STX3: variants seen among roughly 807,000 people sequenced by gnomAD.
The protein encoded by STX3 is syntaxin-3.
In STX3, 19 loss-of-function variants were observed where a neutral mutation model predicts 40.2. That is an observed-to-expected ratio of 0.47 (90% confidence interval 0.33 to 0.69). The LOEUF is 0.69. Ranked by LOEUF, STX3 falls within the 30% of genes least tolerant of loss-of-function variation. STX3 has a pLI of 0.02. For missense variants in STX3, 364 were observed against 366.7 expected, an observed-to-expected ratio of 0.99 and a Z score of 0.06; for synonymous variants, 122 against 132.2, an observed-to-expected ratio of 0.92 and a Z score of 0.53.
chr11:59,763,735 C>T (rs760181516), intron 1 of STX3, among the ~76,000 whole-genome samples: 1 of 152,098 alleles, frequency 6.6e-6, no homozygotes, highest in African/African-American at 2.4e-5. Context: ...AATAAATGAT[C>T]GGCCGGGCGC....
intron 1 of STX3, among the ~76,000 whole-genome samples, chr11:59,768,337 C>T (rs1863388706): frequency 6.6e-6 from 1 of 152,174 alleles, no homozygotes. Flanking sequence ...CTATCCCTGA[C>T]TTCAGGTTGG....
At chr11:59,795,793 C>CT in intron 9 of STX3, 2 of 1,269,116 alleles carry the variant, frequency 1.6e-6, no homozygotes, top group South Asian at 2.6e-5. Context: ...TACCTGTGTT[C>CT]TTGAGCCCAT....
At chr11:59,778,643 ATGTT>A (rs1864148407) in intron 2 of STX3, among the ~76,000 whole-genome samples, 2 of 152,162 alleles carry the variant, frequency 1.3e-5, no homozygotes, top group African/African-American at 2.4e-5. Context: ...GTGATCAAAT[ATGTT>A]TGAGAAATGC....
Position 59,803,408 on chromosome 11 carries a change from G to A in STX3, c.*2584G>A. 1 of 607,026 alleles carries A rather than the reference G, an allele frequency of 1.6e-6. No individual in the cohort carries two copies. The allele number at this position is 607,026 out of a possible 1,614,324, so 37.6% of individuals were successfully genotyped here. On this transcript the variant is annotated 3_prime_UTR_variant, in exon 11 of 11. Coordinates refer to ENST00000337979, the MANE Select transcript of STX3 (RefSeq NM_004177.5). ...CTGGGTGGGATTAGGTGCTAATAAT[G>A]GTTAGAGAAAACTAAAGAAAGGGAT...
Position 59,789,442 on chromosome 11 carries a change from CTTT to C in STX3, c.289+509_289+511del, listed in dbSNP as rs113424563. 5.0e-5 allele frequency among the ~76,000 whole-genome samples: 7 copies of C among 141,308 alleles called. No homozygotes were observed. In the South Asian group the frequency reaches 1.1e-3, roughly 23 times the overall value. The allele number at this position is 141,308 out of a possible 152,430, so 92.7% of individuals were successfully genotyped here. On this transcript the variant is annotated intron_variant, in intron 4 of 10. Coordinates refer to ENST00000337979, the MANE Select transcript of STX3 (RefSeq NM_004177.5). Reference sequence around the variant, plus strand: ...GTCTTATTTCCCTGGCAACTACATACTTTTTTTTTTTTTTTTAAGACAGAATCT... The same window carrying C: ...GTCTTATTTCCCTGGCAACTACATACTTTTTTTTTTTTTAAGACAGAATCT...
chr11:59,789,026 G>T (rs1254355566), intron 4 of STX3, 79 bp downstream of exon 4: 1 of 1,303,220 alleles, frequency 7.7e-7, no homozygotes, highest in Non-Finnish European at 1.1e-6. Context: ...TTTCCGAACT[G>T]AAACTCCTCT....
rs1042498877 is a variant in STX3, at chr11:59,803,311, T to C, written c.*2487T>C. On this transcript the variant is annotated 3_prime_UTR_variant, in exon 11 of 11. Coordinates refer to ENST00000337979, the MANE Select transcript of STX3 (RefSeq NM_004177.5). ...ATTTGCCTGAAAAAGGTGAGCCATC[T>C]GTGGGGAGGGTCAGACCTTCTTTCA... 7 of 1,230,268 alleles carry C rather than the reference T, an allele frequency of 5.7e-6. No individual in the cohort carries two copies. In the South Asian group the frequency reaches 2.9e-4, roughly 51 times the overall value. The allele number at this position is 1,230,268 out of a possible 1,614,324, so 76.2% of individuals were successfully genotyped here.
chr11:59,756,172 TC>T (rs2134838814), intron 1 of STX3, among the ~76,000 whole-genome samples: 1 of 150,394 alleles, frequency 6.6e-6, no homozygotes, highest in East Asian at 2.0e-4. Context: ...TGTCCCCCCC[TC>T]CCCCGCCGTA....
chr11:59,799,661 T>C, intron 10 of STX3: 1 of 985,456 alleles, frequency 1.0e-6, no homozygotes, highest in Non-Finnish European at 1.2e-6. Flanking sequence ...GCCTTCCTTT[T>C]ATATTTGTTT....
chr11:59,759,573 G>A (rs1022622702), intron 1 of STX3, among the ~76,000 whole-genome samples: 2 of 152,222 alleles, frequency 1.3e-5, no homozygotes, highest in Non-Finnish European at 2.9e-5. Context: ...ATGGAATAGA[G>A]GTTGAAGGCT....
intron 3 of STX3, 122 bp from the exon 4 acceptor site, chr11:59,788,750 TA>T: frequency 1.4e-6 from 1 of 717,384 alleles, no homozygotes; most frequent in Non-Finnish European, 2.3e-6. Context: ...TGCGTAGGGA[TA>T]AATACCATTC....
chr11:59,761,883 G>T (rs182164438), intron 1 of STX3, among the ~76,000 whole-genome samples: 1 of 151,924 alleles, frequency 6.6e-6, no homozygotes, highest in African/African-American at 2.4e-5. Flanking sequence ...AAGTTGCAAA[G>T]ATAGTACAGA....
chr11:59,790,608 T>A (rs1479975872), intron 5 of STX3, 22 bp downstream of exon 5: 18 of 1,583,022 alleles, frequency 1.1e-5, no homozygotes, highest in Non-Finnish European at 1.6e-5. Flanking sequence ...CCTGGTCTCA[T>A]GATTAGCTAG....
rs1866056609 is a variant in STX3 at position 59,805,477 on chromosome 11, A to G, written c.*4653A>G. On this transcript the variant is annotated 3_prime_UTR_variant, in exon 11 of 11. Transcript: ENST00000337979. The stretch of plus-strand genomic sequence containing the variant: ...CAGTGCTGTTTTCTACCCACCTTCA[A>G]AAGCCAATGGTTTGATATTTCTATT... The G allele has an allele frequency of 6.6e-6, 1 of 152,222 alleles. No homozygotes were observed. Among genetic ancestry groups the G allele is most frequent in the South Asian group, 2.1e-4 (1 of 4,826 alleles). The allele number at this position is 152,222 out of a possible 1,614,324, so 9.4% of individuals were successfully genotyped here.
intron 1 of STX3, among the ~76,000 whole-genome samples, chr11:59,764,123 T>C (rs959483634): frequency 1.3e-5 from 2 of 152,098 alleles, no homozygotes; most frequent in Non-Finnish European, 2.9e-5. Context: ...TTTAAAAGCA[T>C]ATAGTAGAAA....
chr11:59,763,915 G>C (rs1326972021), intron 1 of STX3, among the ~76,000 whole-genome samples: 1 of 152,034 alleles, frequency 6.6e-6, no homozygotes, highest in African/African-American at 2.4e-5. Context: ...CTACTTGGGA[G>C]ACTGAGGCAG....
rs80101744 is a variant in STX3 at position 59,783,308 on chromosome 11, C to T, written c.115-3729C>T. 5.1e-3 allele frequency among the ~76,000 whole-genome samples: 781 copies of T among 152,258 alleles called. 5 individuals carry two copies. Among genetic ancestry groups the T allele is most frequent in the African/African-American group, 7.4e-3 (306 of 41,540 alleles). ...AGAAGATATAGGAGCCTTCCTTAGG[C>T]GTTTACCTGGTTCAGGAGACAGGAT... On this transcript the variant is annotated intron_variant, in intron 2 of 10. Coordinates refer to ENST00000337979, the MANE Select transcript of STX3 (RefSeq NM_004177.5).
At position 59,801,127 on chromosome 11, in the gene STX3, T is replaced by C; in HGVS notation, c.*303T>C. On this transcript the variant is annotated 3_prime_UTR_variant, in exon 11 of 11. Transcript: ENST00000337979. ...CCCAGCTTTCTTCCTCCCTGTTGTGTGTCAGATTATGCCTTGCACTTGGGA... is the reference window on the plus strand; with the variant it reads ...CCCAGCTTTCTTCCTCCCTGTTGTGCGTCAGATTATGCCTTGCACTTGGGA... 1 of 1,356,104 alleles carries C rather than the reference T, an allele frequency of 7.4e-7. No individual in the cohort carries two copies. The highest frequency in any genetic ancestry group is 1.9e-5 in the South Asian group (1 of 53,228). 84.0% of individuals were successfully genotyped at this position (1,356,104 alleles called of 1,614,324 possible). A position where few individuals can be genotyped will look rare whatever the true frequency, so the allele number is the denominator to read the frequency against.
At chr11:59,765,935 T>C (rs530187576) in intron 1 of STX3, among the ~76,000 whole-genome samples, 7 of 152,220 alleles carry the variant, frequency 4.6e-5, no homozygotes, top group African/African-American at 9.6e-5. Flanking sequence ...TGTTTAAATT[T>C]GGAGAAGAGA....
Sources: gnomAD v4.1 joint callset for allele counts (sites outside exome capture counted in the v4.1 genomes callset) on GRCh38, gnomAD v4.1.1 for gene constraint, MANE v1.5 for transcripts, NCBI Gene and HGNC (gene_info 2026-07-23, HGNC 2026-07-21) for gene names.